The following LEKR1 variants were observed in gnomAD, a reference collection of about 807,000 sequenced individuals.
LEKR1 encodes protein LEKR1.
LEKR1 carries 59 observed loss-of-function variants against 72.4 expected under a neutral mutation model. The ratio of observed to expected loss-of-function variants is 0.82; its 90% CI spans 0.66 to 1.01. LEKR1 has a LOEUF of 1.01. LEKR1 is among the 50% of genes least tolerant of loss of function. LEKR1 has a pLI of 0.00. For synonymous variants in LEKR1, 257 were observed against 263.2 expected (o/e 0.98, Z 0.23); for missense variants, 728 against 759.2 (o/e 0.96, Z 0.48).
chr3:156,878,698 T>C (rs1198817603), intron 3 of LEKR1, among the ~76,000 whole-genome samples: 1 of 152,186 alleles, frequency 6.6e-6, no homozygotes, highest in African/African-American at 2.4e-5. Flanking sequence ...TCTGTCTTGA[T>C]GATCTGTGAT....
rs1479840506 is a variant in LEKR1 at position 156,852,886 on chromosome 3, G to A, written c.167G>A (p.Gly56Glu). Residue 56 changes from glycine to glutamate, a missense_variant, in exon 3 of 13, where the codon GGA (glycine) becomes GAA (glutamate). By Grantham distance (98) the Gly-to-Glu change is moderately conservative. Transcript: ENST00000356539. ...GAAAAAGAGATGAAATTTTATCAAGGAAGTGTAGATCGTGAAAAGAGACTT... is the reference window on the plus strand; with the variant it reads ...GAAAAAGAGATGAAATTTTATCAAGAAAGTGTAGATCGTGAAAAGAGACTT... ...AMEKEMKFYQ[G>E]SVDREKRLQE... 1 of 1,534,794 alleles carries A rather than the reference G, an allele frequency of 6.5e-7. No homozygotes were observed. Among genetic ancestry groups the A allele is most frequent in the Non-Finnish European group, 8.7e-7 (1 of 1,145,158 alleles).
At chr3:156,955,807 C>CTTT (rs1338141980) in intron 6 of LEKR1, among the ~76,000 whole-genome samples, 64 of 151,460 alleles carry the variant, frequency 4.2e-4, no homozygotes, top group Middle Eastern at 3.4e-3. Flanking sequence ...CTGAAGTTTT[C>CTTT]TTTTTGTTGT....
At chr3:157,017,965 A>G (rs1273553384) in intron 10 of LEKR1, among the ~76,000 whole-genome samples, 1 of 150,890 alleles carries the variant, frequency 6.6e-6, no homozygotes, top group Non-Finnish European at 1.5e-5. Flanking sequence ...AAAAAAAAAA[A>G]AAAAAAAGAA....
At chr3:156,847,705 T>C (rs1229161389) in intron 2 of LEKR1, among the ~76,000 whole-genome samples, 1 of 152,210 alleles carries the variant, frequency 6.6e-6, no homozygotes, top group African/African-American at 2.4e-5. Context: ...TTTTGTGCAA[T>C]GTATTTATTT....
chr3:156,982,856 TAGATA>T (rs1276078311), intron 7 of LEKR1, among the ~76,000 whole-genome samples: 2 of 40,718 alleles, frequency 4.9e-5, no homozygotes, highest in African/African-American at 2.2e-4. Flanking sequence ...TGTGTGTGTG[TAGATA>T]GATAGATAGA....
chr3:156,908,031 A>G (rs1722702527), intron 3 of LEKR1, among the ~76,000 whole-genome samples: 5 of 151,966 alleles, frequency 3.3e-5, no homozygotes. Flanking sequence ...ATGTTTACTA[A>G]TTATTGTGAT....
intron 6 of LEKR1, among the ~76,000 whole-genome samples, chr3:156,959,798 A>G (rs183587934): frequency 2.9e-4 from 44 of 152,314 alleles, no homozygotes; most frequent in East Asian, 2.5e-3. Flanking sequence ...GCTGAATATT[A>G]TGTCACTATT....
chr3:156,905,373 A>G (rs1576791722), intron 3 of LEKR1, among the ~76,000 whole-genome samples: 1 of 152,196 alleles, frequency 6.6e-6, no homozygotes, highest in Non-Finnish European at 1.5e-5. Context: ...GAGTAACTAA[A>G]TTAGAATTCA....
intron 3 of LEKR1, among the ~76,000 whole-genome samples, chr3:156,919,333 T>C (rs1379503906): frequency 6.6e-6 from 1 of 151,746 alleles, no homozygotes; most frequent in Non-Finnish European, 1.5e-5. Context: ...TAGATTGAAT[T>C]GGTTTAAGGT....
At chr3:156,880,059 T>G (rs951714109) in intron 3 of LEKR1, among the ~76,000 whole-genome samples, 1 of 152,210 alleles carries the variant, frequency 6.6e-6, no homozygotes, top group African/African-American at 2.4e-5. Context: ...GGGCACTGCC[T>G]AGTGGAGCTA....
chr3:157,012,222 C>T (rs1576993540), intron 10 of LEKR1, among the ~76,000 whole-genome samples: 1 of 152,098 alleles, frequency 6.6e-6, no homozygotes, highest in African/African-American at 2.4e-5. Context: ...TCTCTGGGCC[C>T]TATTCTACAC....
chr3:156,959,921 A>G (rs1727963856), intron 6 of LEKR1, among the ~76,000 whole-genome samples: 2 of 152,158 alleles, frequency 1.3e-5, no homozygotes, highest in African/African-American at 2.4e-5. Context: ...CTATGTAAAT[A>G]TCTCTCTGCT....
chr3:156,859,649 A>AG (rs1576678765), intron 3 of LEKR1, among the ~76,000 whole-genome samples: 1 of 152,318 alleles, frequency 6.6e-6, no homozygotes, highest in East Asian at 1.9e-4. Flanking sequence ...ATACATTCTA[A>AG]GGGGTTTGAC....
intron 3 of LEKR1, among the ~76,000 whole-genome samples, chr3:156,878,871 T>C (rs1718934148): frequency 6.6e-6 from 1 of 152,232 alleles, no homozygotes. Context: ...CTGATGGTTT[T>C]GTAAGAGGAA....
At chr3:157,028,003 A>T in intron 11 of LEKR1, 100 bp from the exon 12 acceptor site, 1 of 760,062 alleles carries the variant, frequency 1.3e-6, no homozygotes, top group Non-Finnish European at 2.1e-6. Flanking sequence ...TGATCAAGTG[A>T]GTACACTGAT....
At chr3:156,846,682 C>T (rs1714641453) in intron 2 of LEKR1, among the ~76,000 whole-genome samples, 1 of 152,072 alleles carries the variant, frequency 6.6e-6, no homozygotes, top group Admixed American at 6.5e-5. Context: ...AATGGAAAAC[C>T]TCTTAGAAGG....
rs1218627377 is a variant in LEKR1 at position 156,936,457 on chromosome 3, ACACACACACC to A, written c.560-6070_560-6061del. Among the ~76,000 whole-genome samples, 321 of 129,536 alleles carry A rather than the reference ACACACACACC, an allele frequency of 2.5e-3. 2 individuals carry two copies. The highest frequency in any genetic ancestry group is 7.2e-3 in the African/African-American group (272 of 38,020). 85.0% of individuals were successfully genotyped at this position (129,536 alleles called of 152,430 possible). On this transcript the variant is annotated intron_variant, in intron 5 of 12. Transcript: ENST00000356539. ...CACACACACACACACACACACACAC[ACACACACACC>A]CCCCGTATGCCTAGCAGAATAAGGA...
At chr3:157,018,009 G>A (rs1256087684) in intron 10 of LEKR1, among the ~76,000 whole-genome samples, 2 of 146,358 alleles carry the variant, frequency 1.4e-5, no homozygotes, top group African/African-American at 5.2e-5. Context: ...CAACAAAGTA[G>A]ATTTCACAGC....
chr3:156,960,277 G>A (rs1728000848), intron 6 of LEKR1, among the ~76,000 whole-genome samples: 1 of 152,032 alleles, frequency 6.6e-6, no homozygotes. Flanking sequence ...TATGATTTTT[G>A]TTTGGTTGGT....
Sources: allele counts gnomAD v4.1 joint callset (sites outside exome capture counted in the v4.1 genomes callset), GRCh38; gene constraint gnomAD v4.1.1; transcripts MANE v1.5; gene names NCBI Gene and HGNC (gene_info 2026-07-23, HGNC 2026-07-21).